Variants in LONRF2 observed in about 807,000 individuals in gnomAD.
The protein encoded by LONRF2 is LON peptidase N-terminal domain and ring finger 2, also known as LON peptidase N-terminal domain and RING finger protein 2.
LONRF2 carries 35 observed loss-of-function variants against 66.6 expected under a neutral mutation model. The ratio of observed to expected loss-of-function variants is 0.53; its 90% confidence interval spans 0.40 to 0.70. The LOEUF is 0.70. Ranked by LOEUF, LONRF2 falls within the 30% of genes least tolerant of loss-of-function variation. The pLI is 0.00. For missense variants in LONRF2, 902 were observed against 1,002.1 expected (o/e 0.90, Z 1.35); for synonymous variants, 417 against 418.1 (o/e 1.00, Z 0.03).
intron 11 of LONRF2, among the ~76,000 whole-genome samples, chr2:100,286,492 C>T (rs538586933): frequency 2.1e-4 from 32 of 152,332 alleles, no homozygotes; most frequent in African/African-American, 4.6e-4. Context: ...AAGGAAGTCA[C>T]GCTACTAATG....
chr2:100,318,781 G>A (rs896206643), intron 1 of LONRF2, among the ~76,000 whole-genome samples: 7 of 148,678 alleles, frequency 4.7e-5, no homozygotes, highest in Admixed American at 1.4e-4. Flanking sequence ...TGCAGTGACC[G>A]ATATCATGTC....
chr2:100,310,569 C>G (rs965128789), intron 1 of LONRF2, among the ~76,000 whole-genome samples: 1 of 152,088 alleles, frequency 6.6e-6, no homozygotes, highest in East Asian at 1.9e-4. Context: ...AAAGTAACTA[C>G]TTATAAATGT....
chr2:100,311,998 T>G (rs1345564704), intron 1 of LONRF2, among the ~76,000 whole-genome samples: 1 of 152,210 alleles, frequency 6.6e-6, no homozygotes, highest in African/African-American at 2.4e-5. Flanking sequence ...TACACATTTT[T>G]TTTTCTTGTG....
chr2:100,317,087 C>G lies in LONRF2; in HGVS notation c.679+4328G>C, dbSNP rs1675523555. The stretch of plus-strand genomic sequence containing the variant: ...ACCTAAAGTTTACCTCGTGTGTAAA[C>G]AGCATGTAGCTATACTTCACTTAAT... On this transcript the variant is annotated intron_variant, in intron 1 of 11. Transcript: ENST00000393437. 2.6e-5 allele frequency among the ~76,000 whole-genome samples: 4 copies of G among 152,264 alleles called. No individual in the cohort carries two copies. In the South Asian group the frequency reaches 6.2e-4, roughly 24 times the overall value.
chr2:100,306,850 TATA>T (rs1045477054), intron 2 of LONRF2, among the ~76,000 whole-genome samples: 27 of 152,240 alleles, frequency 1.8e-4, no homozygotes, highest in Admixed American at 1.6e-3. Flanking sequence ...AATCCTTAGT[TATA>T]ATAACAAACT....
rs1356514064 is a variant in LONRF2 at position 100,275,601 on chromosome 2, C to CGT, written c.*8696_*8697insAC. 4.6e-5 allele frequency: 7 copies of CGT among 152,198 alleles called. No homozygotes were observed. The highest frequency in any genetic ancestry group is 1.0e-4 in the Non-Finnish European group (7 of 68,050). 9.4% of individuals were successfully genotyped at this position (152,198 alleles called of 1,614,324 possible). A position where few individuals can be genotyped will look rare whatever the true frequency, so the allele number is the denominator to read the frequency against. On this transcript the variant is annotated 3_prime_UTR_variant, in exon 12 of 12. Transcript: ENST00000393437. ...AGCCTTGCAGCTGTTGTGACTCATT[C>CGT]CTCAATCCGGTGGGATGCAAAGGAT...
chr2:100,322,061 C>A lies in LONRF2; in HGVS notation c.33G>T (p.Pro11=), dbSNP rs1157187658. ...CGCGGTCGCAGCCAGGACACTGGGG[C>A]GGCGGCGGCGGCGGGACCGGCTCGG... MSPEPVPPPP[P]PQCPGCDRAE... Residue 11 remains proline, a synonymous_variant, in exon 1 of 12, where the codon CCG becomes CCT. Transcript: ENST00000393437. 1 of 1,247,464 alleles carries A rather than the reference C, an allele frequency of 8.0e-7. No individual in the cohort carries two copies. The highest frequency in any genetic ancestry group is 2.4e-5 in the South Asian group (1 of 41,038). The allele number at this position is 1,247,464 out of a possible 1,614,324, so 77.3% of individuals were successfully genotyped here.
In LONRF2 at chr2:100,286,902, G is replaced by C. The variant is rs1270631278; in HGVS notation, c.2070+12C>G. 6.2e-7 allele frequency: 1 copy of C among 1,612,218 alleles called. No homozygotes were observed. The highest frequency in any genetic ancestry group is 8.5e-7 in the Non-Finnish European group (1 of 1,179,092). ...AAGTAACAGAATTATAAAGGAAAAA[G>C]GGAGGGCATACCTGAGGCTCAGGTT... On this transcript the variant is annotated intron_variant, in intron 11 of 11. Coordinates refer to ENST00000393437, the MANE Select transcript of LONRF2 (RefSeq NM_198461.4).
chr2:100,313,941 A>T (rs1198279672), intron 1 of LONRF2, among the ~76,000 whole-genome samples: 1 of 152,148 alleles, frequency 6.6e-6, no homozygotes, highest in African/African-American at 2.4e-5. Flanking sequence ...AATATTTTAA[A>T]AAATTTAAAA....
chr2:100,300,172 T>C (rs1419658900), intron 4 of LONRF2, among the ~76,000 whole-genome samples: 1 of 151,678 alleles, frequency 6.6e-6, no homozygotes, highest in Non-Finnish European at 1.5e-5. Context: ...TCTGTCTATC[T>C]ATCTACACAC....
At chr2:100,305,019 C>T (rs1675264907) in intron 2 of LONRF2, among the ~76,000 whole-genome samples, 1 of 152,046 alleles carries the variant, frequency 6.6e-6, no homozygotes, top group Non-Finnish European at 1.5e-5. Context: ...TGGGAATCAT[C>T]CACTCCGGGA....
At chr2:100,286,762 GGT>G in intron 11 of LONRF2, 150 bp downstream of exon 11, 2 of 691,040 alleles carry the variant, frequency 2.9e-6, no homozygotes, top group Non-Finnish European at 2.3e-6. Context: ...TACCACAGTA[GGT>G]GCTCCTTTGG....
Position 100,321,962 on chromosome 2 carries a change from C to T in LONRF2, c.132G>A (p.Glu44=), listed in dbSNP as rs1675644181. 3 of 1,467,546 alleles carry T rather than the reference C, an allele frequency of 2.0e-6. No homozygotes were observed. The highest frequency in any genetic ancestry group is 2.7e-6 in the Non-Finnish European group (3 of 1,111,198). The allele number at this position is 1,467,546 out of a possible 1,614,324, so 90.9% of individuals were successfully genotyped here. A position where few individuals can be genotyped will look rare whatever the true frequency, so the allele number is the denominator to read the frequency against. Reference sequence around the variant, plus strand: ...GCCCGGCTAGCATGGAGCGAAAGAGCTCGGCTGCCATCTCGTAGTCGCCCG... The same window carrying T: ...GCCCGGCTAGCATGGAGCGAAAGAGTTCGGCTGCCATCTCGTAGTCGCCCG... ...FRAGDYEMAA[E]LFRSMLAGLA... The change falls in exon 1 of 12, where the codon GAG becomes GAA. Residue 44 remains glutamate (E), a synonymous_variant. Transcript: ENST00000393437.
intron 9 of LONRF2, among the ~76,000 whole-genome samples, chr2:100,293,561 G>A (rs1214362351): frequency 6.6e-6 from 1 of 152,162 alleles, no homozygotes; most frequent in Non-Finnish European, 1.5e-5. Context: ...TAAGGGATGG[G>A]AGGGTCCTGA....
intron 7 of LONRF2, among the ~76,000 whole-genome samples, chr2:100,297,832 A>C (rs576943323): frequency 3.5e-4 from 53 of 152,330 alleles, no homozygotes; most frequent in Non-Finnish European, 5.6e-4. Flanking sequence ...ATGTGCATAC[A>C]ATGTTTTAGA....
chr2:100,295,581 T>C (rs750603139), intron 7 of LONRF2, 28 bp from the exon 8 acceptor site: 1 of 1,602,712 alleles, frequency 6.2e-7, no homozygotes, highest in East Asian at 2.3e-5. Flanking sequence ...CAAATGATAC[T>C]GTATGGTAAT....
At chr2:100,319,060 T>A (rs149744019) in intron 1 of LONRF2, among the ~76,000 whole-genome samples, 1 of 148,844 alleles carries the variant, frequency 6.7e-6, no homozygotes, top group East Asian at 2.0e-4. Flanking sequence ...AACCAGGGAG[T>A]CGGAGGTTGT....
At chr2:100,320,200 A>C (rs1160668332) in intron 1 of LONRF2, among the ~76,000 whole-genome samples, 1 of 152,250 alleles carries the variant, frequency 6.6e-6, no homozygotes, top group Non-Finnish European at 1.5e-5. Flanking sequence ...CTTTTAATGT[A>C]GCTACAAGAA....
Position 100,272,506 on chromosome 2 carries a change from G to T in LONRF2, c.*11792C>A, listed in dbSNP as rs984046292. ...ACAGCAAGACCATGTCCCCCAAGAA[G>T]AAAATAAATAAATAAATAAACAAAC... On this transcript the variant is annotated 3_prime_UTR_variant, in exon 12 of 12. Transcript: ENST00000393437. Among the ~76,000 whole-genome samples, 15 of 148,896 alleles carry T rather than the reference G, an allele frequency of 1.0e-4. No homozygotes were observed. The highest frequency in any genetic ancestry group is 3.5e-4 in the African/African-American group (14 of 40,196).
Sources: allele counts gnomAD v4.1 joint callset (sites outside exome capture counted in the v4.1 genomes callset), GRCh38; gene constraint gnomAD v4.1.1; transcripts MANE v1.5; gene names NCBI Gene and HGNC (gene_info 2026-07-23, HGNC 2026-07-21).